CYP26B1: variants seen among roughly 807,000 people sequenced by gnomAD.
CYP26B1 encodes cytochrome P450 family 26 subfamily B member 1.
CYP26B1 carries 8 observed loss-of-function variants against 39.1 expected under a neutral mutation model. The ratio of observed to expected loss-of-function variants is 0.20; its 90% CI spans 0.12 to 0.37. CYP26B1 has a LOEUF of 0.37. Among genes scored for constraint, CYP26B1 ranks in the 10% least tolerant of loss-of-function variants. CYP26B1 has a pLI of 1.00. For synonymous variants in CYP26B1, 321 were observed against 314.3 expected (o/e 1.02, Z -0.23); for missense variants, 615 against 707.0 (o/e 0.87, Z 1.48).
intron 2 of CYP26B1, among the ~76,000 whole-genome samples, chr2:72,142,036 A>G (rs1288093621): frequency 1.3e-5 from 2 of 152,090 alleles, no homozygotes; most frequent in Non-Finnish European, 2.9e-5. Flanking sequence ...ATAGGGAGCC[A>G]TCGCGCCTCA....
chr2:72,135,008 C>A, intron 3 of CYP26B1, 92 bp from the exon 4 acceptor site: 1 of 1,600,656 alleles, frequency 6.2e-7, no homozygotes, highest in Non-Finnish European at 8.5e-7. Context: ...CCTCCTACCC[C>A]ACGCTGACAC....
intron 1 of CYP26B1, among the ~76,000 whole-genome samples, chr2:72,145,902 A>C (rs776024234): frequency 2.0e-5 from 3 of 152,206 alleles, no homozygotes; most frequent in Non-Finnish European, 4.4e-5. Flanking sequence ...CGCTCGGTGG[A>C]AACGGAGAGC....
At chr2:72,143,671 G>A (rs1356209684) in intron 2 of CYP26B1, among the ~76,000 whole-genome samples, 2 of 152,228 alleles carry the variant, frequency 1.3e-5, no homozygotes, top group African/African-American at 2.4e-5. Flanking sequence ...CAACTGTCCC[G>A]CCCCCTTCTT....
At chr2:72,136,231 G>T (rs988791572) in intron 2 of CYP26B1, among the ~76,000 whole-genome samples, 8 of 152,210 alleles carry the variant, frequency 5.3e-5, no homozygotes, top group African/African-American at 1.7e-4. Context: ...AGAAGGGGGA[G>T]CACCCCTGCT....
chr2:72,144,532 AC>A, intron 1 of CYP26B1: 1 of 647,054 alleles, frequency 1.5e-6, no homozygotes, highest in Non-Finnish European at 1.9e-6. Flanking sequence ...CCCCACCCCC[AC>A]CCCCACACCC....
Position 72,144,456 on chromosome 2 carries a change from T to C in CYP26B1, c.205-243A>G, listed in dbSNP as rs559732831. The C allele has an allele frequency of 5.7e-4, 755 of 1,315,068 alleles. 4 individuals carry two copies. In the African/African-American group the frequency reaches 0.01, roughly 17 times the overall value. 81.5% of individuals were successfully genotyped at this position (1,315,068 alleles called of 1,614,324 possible). On this transcript the variant is annotated intron_variant, in intron 1 of 5. Transcript: ENST00000001146. ...CAGGGGCACCCCCAGGAGGCTGTTTTTTGGTAATGACTTTCGAGAGGAAAG... is the reference window on the plus strand; with the variant it reads ...CAGGGGCACCCCCAGGAGGCTGTTTCTTGGTAATGACTTTCGAGAGGAAAG...
At position 72,147,558 on chromosome 2, in the gene CYP26B1, G is replaced by A; in HGVS notation, c.204+73C>T. ...TTCAGGCTCCCGGCGCCCCCTGGCC[G>A]GCCCGCCGCTCCGTCTGCCCCGCGC... On this transcript the variant is annotated intron_variant, in intron 1 of 5. Transcript: ENST00000001146. The surrounding 1 kb of genome is among the most constrained non-coding windows in gnomAD (Gnocchi z 6.1). The A allele has an allele frequency of 2.8e-6, 4 of 1,451,718 alleles. No homozygotes were observed. Among genetic ancestry groups the A allele is most frequent in the Non-Finnish European group, 3.7e-6 (4 of 1,092,842 alleles). 89.9% of individuals were successfully genotyped at this position (1,451,718 alleles called of 1,614,324 possible). A position where few individuals can be genotyped will look rare whatever the true frequency, so the allele number is the denominator to read the frequency against.
rs762781301 is a variant in CYP26B1, at chr2:72,147,141, AAC to A, written c.204+488_204+489del. On this transcript the variant is annotated intron_variant, in intron 1 of 5. Transcript: ENST00000001146. The surrounding 1 kb of genome is among the most constrained non-coding windows in gnomAD (Gnocchi z 6.1). ...CTGGCGCTGCCGACGGCGCCGCAGG[AAC>A]ACAGTTTTAAATCGGCAATTCAAGC... is the stretch of plus-strand genomic sequence containing the variant. Among the ~76,000 whole-genome samples, 9 of 152,220 alleles carry A rather than the reference AAC, an allele frequency of 5.9e-5. No individual in the cohort carries two copies. In the South Asian group the frequency reaches 1.2e-3, roughly 21 times the overall value.
chr2:72,140,423 G>A (rs1676910746), intron 2 of CYP26B1, among the ~76,000 whole-genome samples: 1 of 152,276 alleles, frequency 6.6e-6, no homozygotes, highest in African/African-American at 2.4e-5. Context: ...TGTGTTGGCA[G>A]AACAAAGGCG....
At chr2:72,146,680 A>G (rs545780824) in intron 1 of CYP26B1, among the ~76,000 whole-genome samples, 1 of 152,252 alleles carries the variant, frequency 6.6e-6, no homozygotes, top group East Asian at 1.9e-4. Context: ...GCTTCCCCTA[A>G]CAGAACAAAC....
intron 2 of CYP26B1, among the ~76,000 whole-genome samples, chr2:72,135,791 C>T (rs1381868844): frequency 6.6e-6 from 1 of 152,148 alleles, no homozygotes; most frequent in Non-Finnish European, 1.5e-5. Context: ...GAGCCTGAGA[C>T]TAGACCTCAA....
chr2:72,142,394 G>A (rs114392947), intron 2 of CYP26B1, among the ~76,000 whole-genome samples: 210 of 152,310 alleles, frequency 1.4e-3, no homozygotes, highest in African/African-American at 4.7e-3. Context: ...GACAGAAGAG[G>A]ACTCTCCTCC....
chr2:72,145,463 G>C (rs1286544085), intron 1 of CYP26B1, among the ~76,000 whole-genome samples: 1 of 152,164 alleles, frequency 6.6e-6, no homozygotes, highest in Non-Finnish European at 1.5e-5. Flanking sequence ...GGAAGGCGGG[G>C]ATAATTCCCC....
chr2:72,136,814 C>G (rs1196512261), intron 2 of CYP26B1, among the ~76,000 whole-genome samples: 1 of 152,186 alleles, frequency 6.6e-6, no homozygotes, highest in Non-Finnish European at 1.5e-5. Flanking sequence ...CCTTAGGATT[C>G]CAGGTTCAGC....
intron 5 of CYP26B1, 33 bp downstream of exon 5, chr2:72,132,990 C>T (rs368222411): frequency 5.6e-6 from 9 of 1,612,746 alleles, no homozygotes; most frequent in African/African-American, 2.7e-5. Flanking sequence ...CCCTGCTCCC[C>T]CATCGCCCCC....
intron 2 of CYP26B1, 33 bp from the exon 3 acceptor site, chr2:72,135,452 T>C (rs774384287): frequency 5.0e-6 from 8 of 1,602,612 alleles, no homozygotes; most frequent in Middle Eastern, 1.7e-4. Context: ...GGTGAGCCGA[T>C]TGGCACAGCC....
chr2:72,132,286 C>T lies in CYP26B1; in HGVS notation c.1480G>A (p.Asp494Asn), dbSNP rs1216548054. 1 of 1,605,916 alleles carries T rather than the reference C, an allele frequency of 6.2e-7. No homozygotes were observed. Among genetic ancestry groups the T allele is most frequent in the African/African-American group, 1.3e-5 (1 of 74,834 alleles). ...GGCAGGATCTCGTTCTGGTTGGAGT[C>T]CAGGCCAAAGAACTTGACGCTGAGG... ...DGLSVKFFGL[D>N]SNQNEILPET... Residue 494 changes from aspartate to asparagine, a missense_variant, in exon 6 of 6, where the codon GAC becomes AAC. Physicochemically the swap from Asp to Asn is conservative, Grantham distance 23. Coordinates refer to ENST00000001146, the MANE Select transcript of CYP26B1 (RefSeq NM_019885.4).
At chr2:72,136,108 TC>T (rs1325201591) in intron 2 of CYP26B1, among the ~76,000 whole-genome samples, 1 of 151,996 alleles carries the variant, frequency 6.6e-6, no homozygotes, top group Non-Finnish European at 1.5e-5. Context: ...CACCCAGGAC[TC>T]CCCCGCACAG....
rs368475843 is a variant in CYP26B1 at position 72,132,348 on chromosome 2, C to A, written c.1418G>T (p.Arg473Leu). ...GTGCAGGACGGGGACCAAGGTGATG[C>A]GGGGGAAGGTCCGTGTGGCCAGCTC... is the stretch of plus-strand genomic sequence containing the variant. Reference protein sequence around the residue: ...RFELATRTFPRITLVPVLHPV... With the variant: ...RFELATRTFPLITLVPVLHPV... The change falls in exon 6 of 6, where the codon CGC (arginine) becomes CTC (leucine). Residue 473 changes from arginine to leucine, a missense_variant. Transcript: ENST00000001146. 1.7e-5 allele frequency: 27 copies of A among 1,610,084 alleles called. No individual in the cohort carries two copies. Among genetic ancestry groups the A allele is most frequent in the Non-Finnish European group, 2.3e-5 (27 of 1,177,688 alleles).
Sources: allele counts gnomAD v4.1 joint callset (sites outside exome capture counted in the v4.1 genomes callset), GRCh38; gene constraint gnomAD v4.1.1; non-coding constraint Gnocchi (gnomAD v3.1); transcripts MANE v1.5; gene names NCBI Gene and HGNC (gene_info 2026-07-23, HGNC 2026-07-21).